Variants in FAT3 observed in about 807,000 individuals in gnomAD.
FAT3 encodes FAT atypical cadherin 3.
In FAT3, 95 loss-of-function variants were observed where a neutral mutation model predicts 310.2. That is an observed-to-expected ratio of 0.31 (90% confidence interval 0.26 to 0.36). The LOEUF (loss-of-function observed/expected upper bound fraction) is 0.36, where lower values mean the gene tolerates loss of function less well. Ranked by LOEUF, FAT3 falls within the 10% of genes least tolerant of loss-of-function variation. The pLI, the probability that FAT3 is intolerant of heterozygous loss-of-function variation, is 1.00. For missense variants in FAT3, 5,408 were observed against 5,715.6 expected, an observed-to-expected ratio of 0.95 and a Z score of 1.74; for synonymous variants, 2,314 against 2,192.9, an observed-to-expected ratio of 1.06 and a Z score of -1.54.
intron 3 of FAT3, among the ~76,000 whole-genome samples, chr11:92,560,391 T>G (rs1955179685): frequency 1.3e-5 from 2 of 152,312 alleles, no homozygotes; most frequent in South Asian, 4.1e-4. Flanking sequence ...TCTTTTACTT[T>G]CTTGATAGGG....
rs575359372 is a variant in FAT3 at position 92,565,966 on chromosome 11, A to G, written c.3607+41018A>G. On this transcript the variant is annotated intron_variant, in intron 3 of 27. Transcript: ENST00000525166. ...GCAAAAACTGGAAGCATTCCCTTTG[A>G]AAACTGGCACAAGACAGGGATGCCC... 1.6e-4 allele frequency among the ~76,000 whole-genome samples: 25 copies of G among 152,294 alleles called. No homozygotes were observed. In the East Asian group the frequency reaches 4.6e-3, roughly 28 times the overall value.
intron 4 of FAT3, among the ~76,000 whole-genome samples, chr11:92,704,557 C>T (rs1195430223): frequency 6.6e-6 from 1 of 152,040 alleles, no homozygotes; most frequent in East Asian, 1.9e-4. Flanking sequence ...AGCCCTAATC[C>T]AATATGGCTG....
rs752906285 is a variant in FAT3, at chr11:92,895,965, T to A, written c.*4852T>A. ...AAGGATTTTAGATTTGAAAATGATG[T>A]TTTTTACTCATTTCAAAATGTACTG... On this transcript the variant is annotated 3_prime_UTR_variant, in exon 28 of 28. Coordinates refer to ENST00000525166, the MANE Select transcript of FAT3 (RefSeq NM_001367949.2). 2 of 150,976 alleles carry A rather than the reference T, an allele frequency of 1.3e-5. No homozygotes were observed. The highest frequency in any genetic ancestry group is 4.9e-5 in the African/African-American group (2 of 41,004). The allele number at this position is 150,976 out of a possible 1,614,324, so 9.4% of individuals were successfully genotyped here.
rs528591761 is a variant in FAT3 at position 92,527,113 on chromosome 11, G to C, written c.3607+2165G>C. Reference sequence around the variant, plus strand: ...ATAGGGTTGGTGGGAGTGATGGTCAGGGAGGGCTTCATGGAGGAAGTCACA... The same window carrying C: ...ATAGGGTTGGTGGGAGTGATGGTCACGGAGGGCTTCATGGAGGAAGTCACA... On this transcript the variant is annotated intron_variant, in intron 3 of 27. Coordinates refer to ENST00000525166, the MANE Select transcript of FAT3 (RefSeq NM_001367949.2). Among the ~76,000 whole-genome samples the C allele has an allele frequency of 2.2e-3, 336 of 152,274 alleles. 4 individuals are homozygous for C. Among genetic ancestry groups the C allele is most frequent in the Non-Finnish European group, 3.6e-3 (246 of 68,028 alleles).
At chr11:92,453,851 A>G (rs1951427771) in intron 2 of FAT3, among the ~76,000 whole-genome samples, 1 of 152,178 alleles carries the variant, frequency 6.6e-6, no homozygotes, top group African/African-American at 2.4e-5. Context: ...AGACCTCATG[A>G]TCTAAATCAG....
chr11:92,583,864 A>G (rs1226444151), intron 3 of FAT3, among the ~76,000 whole-genome samples: 1 of 146,944 alleles, frequency 6.8e-6, no homozygotes, highest in Non-Finnish European at 1.6e-5. Context: ...ATGGTTTCAC[A>G]TAGCGTATTA....
chr11:92,884,374 ACT>A (rs1181693903), intron 24 of FAT3, among the ~76,000 whole-genome samples: 3 of 152,092 alleles, frequency 2.0e-5, no homozygotes, highest in Non-Finnish European at 4.4e-5. Context: ...CCAGTAAGGT[ACT>A]CTCTGTGAAC....
At chr11:92,646,264 G>T (rs1023506778) in intron 3 of FAT3, among the ~76,000 whole-genome samples, 2 of 152,142 alleles carry the variant, frequency 1.3e-5, no homozygotes, top group African/African-American at 2.4e-5. Context: ...GCTCAGTTGC[G>T]ACTGTTAACA....
At chr11:92,595,676 A>G (rs1036457750) in intron 3 of FAT3, among the ~76,000 whole-genome samples, 1 of 152,250 alleles carries the variant, frequency 6.6e-6, no homozygotes, top group Non-Finnish European at 1.5e-5. Flanking sequence ...TCCAAGGTAC[A>G]GGACATGCTT....
Position 92,280,315 on chromosome 11 carries a change from C to T in FAT3, c.-18+55141C>T, listed in dbSNP as rs535643879. Reference sequence around the variant, plus strand: ...TAGGAAAGAAAATGATTTGAGAGGCCTGGATGTAGGGGTTTGGAAAAAGTT... The same window carrying T: ...TAGGAAAGAAAATGATTTGAGAGGCTTGGATGTAGGGGTTTGGAAAAAGTT... On this transcript the variant is annotated intron_variant, in intron 1 of 27. Coordinates refer to ENST00000525166, the MANE Select transcript of FAT3 (RefSeq NM_001367949.2). Among the ~76,000 whole-genome samples the T allele has an allele frequency of 3.9e-5, 6 of 152,036 alleles. No individual in the cohort carries two copies. The South Asian group carries it at 1.0e-3, about 26-fold the overall frequency.
chr11:92,364,294 T>G (rs1948958224), intron 2 of FAT3, among the ~76,000 whole-genome samples: 1 of 152,172 alleles, frequency 6.6e-6, no homozygotes, highest in Non-Finnish European at 1.5e-5. Flanking sequence ...GTGTTATTTT[T>G]ATTTCTTCAA....
At chr11:92,487,624 G>A (rs1336450584) in intron 2 of FAT3, among the ~76,000 whole-genome samples, 1 of 152,122 alleles carries the variant, frequency 6.6e-6, no homozygotes, top group Non-Finnish European at 1.5e-5. Context: ...AGATAAAGAG[G>A]CAAAAGCATA....
At chr11:92,726,344 A>G (rs1311765296) in intron 4 of FAT3, among the ~76,000 whole-genome samples, 2 of 152,196 alleles carry the variant, frequency 1.3e-5, no homozygotes, top group African/African-American at 4.8e-5. Context: ...AAGCATATTT[A>G]TAGTCAACAG....
chr11:92,426,984 G>A lies in FAT3; in HGVS notation c.3292+71580G>A, dbSNP rs182823363. On this transcript the variant is annotated intron_variant, in intron 2 of 27. Transcript: ENST00000525166. ...CTTTGGGTAGTATGGCCATTTTCACGCTATTGATTCTTCCTATCCATGAGC... is the reference window on the plus strand; with the variant it reads ...CTTTGGGTAGTATGGCCATTTTCACACTATTGATTCTTCCTATCCATGAGC... 1.2e-4 allele frequency among the ~76,000 whole-genome samples: 18 copies of A among 152,116 alleles called. 1 individual carries two copies. The highest frequency in any genetic ancestry group is 6.5e-4 in the Admixed American group (10 of 15,270).
intron 7 of FAT3, among the ~76,000 whole-genome samples, chr11:92,788,121 G>A (rs1377417729): frequency 6.6e-6 from 1 of 152,054 alleles, no homozygotes; most frequent in Non-Finnish European, 1.5e-5. Context: ...AATGGATAAT[G>A]GGAAAATGCA....
chr11:92,623,235 G>T (rs1288719769), intron 3 of FAT3, among the ~76,000 whole-genome samples: 1 of 152,186 alleles, frequency 6.6e-6, no homozygotes, highest in Non-Finnish European at 1.5e-5. Context: ...GATGAAGAAG[G>T]TATGCTTCCC....
intron 3 of FAT3, among the ~76,000 whole-genome samples, chr11:92,645,197 A>G (rs1325844285): frequency 6.6e-6 from 1 of 152,228 alleles, no homozygotes; most frequent in African/African-American, 2.4e-5. Context: ...AAAAGGGGAT[A>G]ATGATAGTAA....
At chr11:92,375,919 C>G (rs1356025954) in intron 2 of FAT3, among the ~76,000 whole-genome samples, 1 of 152,184 alleles carries the variant, frequency 6.6e-6, no homozygotes, top group East Asian at 1.9e-4. Flanking sequence ...TCTGCTTTTA[C>G]TCACAGAACT....
intron 2 of FAT3, among the ~76,000 whole-genome samples, chr11:92,437,293 C>T (rs1380881783): frequency 3.3e-5 from 5 of 152,176 alleles, no homozygotes; most frequent in Admixed American, 6.5e-5. Context: ...AACCCACCTT[C>T]ATTCATTTTA....
Sources: allele counts gnomAD v4.1 joint callset (sites outside exome capture counted in the v4.1 genomes callset), GRCh38; gene constraint gnomAD v4.1.1; transcripts MANE v1.5; gene names NCBI Gene and HGNC (gene_info 2026-07-23, HGNC 2026-07-21).